SMARCC1: variants seen among roughly 807,000 people sequenced by gnomAD.
SMARCC1 encodes the protein SWI/SNF complex subunit SMARCC1.
In SMARCC1, 43 loss-of-function variants were observed where a neutral mutation model predicts 147.4. That is an observed-to-expected ratio of 0.29 (90% CI 0.23 to 0.38). The LOEUF (loss-of-function observed/expected upper bound fraction) is 0.38, where lower values mean the gene tolerates loss of function less well. Among genes scored for constraint, SMARCC1 ranks in the 10% least tolerant of loss-of-function variants. SMARCC1 has a pLI of 1.00. For missense variants in SMARCC1, 1,119 were observed against 1,381.1 expected, an observed-to-expected ratio of 0.81 and a Z score of 3.01; for synonymous variants, 495 against 484.4, an observed-to-expected ratio of 1.02 and a Z score of -0.29.
intron 22 of SMARCC1, among the ~76,000 whole-genome samples, chr3:47,636,788 ATGTGTGTGTGTGTGTGTG>A (rs35445330): frequency 6.0e-4 from 48 of 80,668 alleles, no homozygotes; most frequent in East Asian, 7.7e-4. Flanking sequence ...AAATATATAT[ATGTGTGTGTGTGTGTGTG>A]TGTGTGTGTG....
chr3:47,755,227 G>A (rs1384290272), intron 2 of SMARCC1, among the ~76,000 whole-genome samples: 1 of 151,804 alleles, frequency 6.6e-6, no homozygotes, highest in East Asian at 1.9e-4. Flanking sequence ...TTAAGGGCGG[G>A]CACGGTGGCT....
At chr3:47,645,888 T>C (rs977994040) in intron 21 of SMARCC1, among the ~76,000 whole-genome samples, 2 of 152,210 alleles carry the variant, frequency 1.3e-5, no homozygotes, top group African/African-American at 2.4e-5. Context: ...TATATGATAA[T>C]AGTACAGATA....
At chr3:47,610,790 A>G (rs896739506) in intron 25 of SMARCC1, 1 of 178,442 alleles carries the variant, frequency 5.6e-6, no homozygotes, top group East Asian at 1.3e-4. Context: ...TGATACTCTC[A>G]TGGTTACTGT....
At chr3:47,761,506 T>C (rs1323993541) in intron 2 of SMARCC1, among the ~76,000 whole-genome samples, 1 of 152,158 alleles carries the variant, frequency 6.6e-6, no homozygotes, top group Non-Finnish European at 1.5e-5. Context: ...CCAGGATAAA[T>C]CCCATGTTCT....
At chr3:47,672,308 G>A (rs565676353) in intron 18 of SMARCC1, among the ~76,000 whole-genome samples, 6 of 151,800 alleles carry the variant, frequency 4.0e-5, no homozygotes, top group South Asian at 2.1e-4. Flanking sequence ...TCCGCCTCCC[G>A]GGTTCACACC....
intron 15 of SMARCC1, among the ~76,000 whole-genome samples, chr3:47,680,052 G>C (rs1343082148): frequency 6.6e-6 from 1 of 151,956 alleles, no homozygotes; most frequent in African/African-American, 2.4e-5. Flanking sequence ...AAAATAAACA[G>C]ATAGATAGAT....
chr3:47,668,885 TA>T (rs751000969), intron 19 of SMARCC1, among the ~76,000 whole-genome samples: 1,595 of 136,134 alleles, frequency 0.012, 8 homozygotes, highest in African/African-American at 0.025. Flanking sequence ...AACCCTGTCT[TA>T]AAAAAAAAAA....
Position 47,768,921 on chromosome 3 carries a change from G to A in SMARCC1, c.315+3896C>T, listed in dbSNP as rs180788785. Among the ~76,000 whole-genome samples, 298 of 152,206 alleles carry A rather than the reference G, an allele frequency of 2.0e-3. 3 individuals carry two copies. The highest frequency in any genetic ancestry group is 6.6e-3 in the African/African-American group (275 of 41,548). On this transcript the variant is annotated intron_variant, in intron 2 of 27. Transcript: ENST00000254480. ...TAAATTTTTGTTATAAAAAACATCA[G>A]GCAGCTAGCTGGGAGCGGTGGCTCA...
intron 6 of SMARCC1, among the ~76,000 whole-genome samples, chr3:47,728,777 G>A (rs2034331969): frequency 6.6e-6 from 1 of 152,150 alleles, no homozygotes; most frequent in South Asian, 2.1e-4. Context: ...TGGGCATGGT[G>A]GTGGGCGCCT....
intron 26 of SMARCC1, among the ~76,000 whole-genome samples, chr3:47,608,714 T>G (rs1293958325): frequency 6.6e-6 from 1 of 151,782 alleles, no homozygotes; most frequent in Non-Finnish European, 1.5e-5. Flanking sequence ...CCAGGTGTGG[T>G]GGCATGCACC....
At chr3:47,729,849 A>G (rs2034347242) in intron 5 of SMARCC1, among the ~76,000 whole-genome samples, 1 of 152,242 alleles carries the variant, frequency 6.6e-6, no homozygotes, top group Non-Finnish European at 1.5e-5. Flanking sequence ...ATAAAGCATT[A>G]CAAAATTAGT....
At position 47,781,835 on chromosome 3, in the gene SMARCC1, G is replaced by C. The variant is rs1289057673; in HGVS notation, c.-38C>G. 7.8e-6 allele frequency: 10 copies of C among 1,288,002 alleles called. No individual in the cohort carries two copies. The South Asian group carries it at 1.9e-4, about 24-fold the overall frequency. 79.8% of individuals were successfully genotyped at this position (1,288,002 alleles called of 1,614,324 possible). On this transcript the variant is annotated 5_prime_UTR_variant, in exon 1 of 28. Transcript: ENST00000254480. Reference sequence around the variant, plus strand: ...TCGTCCCCACAGCCTGGCCCACCCCGGCCCTCGCGGTGTTTCCCGGTCGTT... The same window carrying C: ...TCGTCCCCACAGCCTGGCCCACCCCCGCCCTCGCGGTGTTTCCCGGTCGTT...
At chr3:47,741,807 CCTGGACTTAAGTGATTCTT>C (rs2034513847) in intron 3 of SMARCC1, among the ~76,000 whole-genome samples, 1 of 151,824 alleles carries the variant, frequency 6.6e-6, no homozygotes, top group Non-Finnish European at 1.5e-5. Flanking sequence ...GTCTTGAACT[CCTGGACTTAAGTGATTCTT>C]CTGCCTCAGC....
At chr3:47,639,454 C>T (rs2033019386) in intron 21 of SMARCC1, among the ~76,000 whole-genome samples, 1 of 152,158 alleles carries the variant, frequency 6.6e-6, no homozygotes, top group East Asian at 1.9e-4. Flanking sequence ...CCGCTCATGC[C>T]TGTAATCCCA....
intron 2 of SMARCC1, among the ~76,000 whole-genome samples, chr3:47,763,239 T>C (rs1050488628): frequency 1.5e-4 from 23 of 151,482 alleles, no homozygotes; most frequent in Non-Finnish European, 3.1e-4. Context: ...CTCGAGTTCC[T>C]GGGCTCAAGT....
At chr3:47,593,288 C>G (rs1355485547) in intron 26 of SMARCC1, among the ~76,000 whole-genome samples, 1 of 151,894 alleles carries the variant, frequency 6.6e-6, no homozygotes. Context: ...TCTTCTGCCT[C>G]AGCCGCCCGA....
chr3:47,648,868 T>G (rs2033152447), intron 21 of SMARCC1, among the ~76,000 whole-genome samples: 1 of 152,230 alleles, frequency 6.6e-6, no homozygotes, highest in Admixed American at 6.5e-5. Flanking sequence ...TGACATGACT[T>G]GCCCACAGCA....
intron 8 of SMARCC1, among the ~76,000 whole-genome samples, chr3:47,712,228 G>A (rs943305145): frequency 4.6e-5 from 7 of 151,762 alleles, no homozygotes; most frequent in Admixed American, 6.6e-5. Flanking sequence ...ATGAAGTTCC[G>A]TCTCAAAATA....
chr3:47,685,907 AT>A, intron 14 of SMARCC1, 141 bp downstream of exon 14: 1 of 641,198 alleles, frequency 1.6e-6, no homozygotes, highest in Admixed American at 2.6e-5. Flanking sequence ...CATTCCAAAG[AT>A]AAAAATCACT....
Sources: allele counts gnomAD v4.1 joint callset (sites outside exome capture counted in the v4.1 genomes callset), GRCh38; gene constraint gnomAD v4.1.1; transcripts MANE v1.5; gene names NCBI Gene and HGNC (gene_info 2026-07-23, HGNC 2026-07-21).